The following RBFOX1 variants were observed in gnomAD, a reference collection of about 807,000 sequenced individuals.
RBFOX1 encodes RNA binding protein fox-1 homolog 1.
A neutral mutation model predicts 57.7 loss-of-function variants in RBFOX1; 8 were observed. The observed-to-expected ratio is 0.14, with a 90% CI of 0.08 to 0.25. The LOEUF (loss-of-function observed/expected upper bound fraction) is 0.25. RBFOX1 is among the 10% of genes least tolerant of loss of function. RBFOX1 has a pLI of 1.00. For missense variants in RBFOX1, 611 were observed against 548.5 expected (o/e 1.11, Z -1.14); for synonymous variants, 326 against 222.4 (o/e 1.47, Z -4.15).
At chr16:6,559,611 TATAC>T (rs928742477) in intron 2 of RBFOX1, among the ~76,000 whole-genome samples, 4 of 133,842 alleles carry the variant, frequency 3.0e-5, no homozygotes, top group East Asian at 4.6e-4. Context: ...TGTGTATATA[TATAC>T]ATACATACAT....
chr16:7,077,564 A>G (rs998363354), intron 4 of RBFOX1, among the ~76,000 whole-genome samples: 2 of 152,198 alleles, frequency 1.3e-5, no homozygotes, highest in African/African-American at 4.8e-5. Flanking sequence ...TATTAGTACA[A>G]TGATGAAATT....
chr16:6,427,942 A>G (rs1456312126), intron 2 of RBFOX1, among the ~76,000 whole-genome samples: 1 of 152,136 alleles, frequency 6.6e-6, no homozygotes, highest in East Asian at 1.9e-4. Context: ...AATTTATAGT[A>G]TTGCTGTGAG....
intron 4 of RBFOX1, among the ~76,000 whole-genome samples, chr16:7,271,246 A>G (rs1247289202): frequency 6.6e-6 from 1 of 151,690 alleles, no homozygotes; most frequent in Non-Finnish European, 1.5e-5. Context: ...CGTGTTTCCT[A>G]ATGTTTGATC....
chr16:5,954,795 C>A (rs1034976527), intron 4 of RBFOX1, among the ~76,000 whole-genome samples: 1 of 152,114 alleles, frequency 6.6e-6, no homozygotes, highest in African/African-American at 2.4e-5. Flanking sequence ...CCCCTTCCTG[C>A]AGCCTCTTTA....
At chr16:7,001,416 A>ATC (rs1257955841) in intron 3 of RBFOX1, among the ~76,000 whole-genome samples, 2 of 139,612 alleles carry the variant, frequency 1.4e-5, no homozygotes, top group African/African-American at 2.7e-5. Flanking sequence ...GTATATGTAT[A>ATC]TGTATATGTA....
chr16:6,561,650 CTTTCT>C (rs1007387560), intron 2 of RBFOX1, among the ~76,000 whole-genome samples: 7 of 152,220 alleles, frequency 4.6e-5, no homozygotes, highest in African/African-American at 1.7e-4. Flanking sequence ...TATTCTTTTC[CTTTCT>C]TTTATTTTAT....
At chr16:6,851,730 C>T (rs1313310880) in intron 3 of RBFOX1, among the ~76,000 whole-genome samples, 1 of 152,008 alleles carries the variant, frequency 6.6e-6, no homozygotes, top group African/African-American at 2.4e-5. Flanking sequence ...AAATTCAGAG[C>T]ATGATTTGAT....
chr16:7,227,416 T>C (rs1372838564), intron 4 of RBFOX1, among the ~76,000 whole-genome samples: 10 of 151,962 alleles, frequency 6.6e-5, no homozygotes, highest in Admixed American at 4.6e-4. Context: ...AATGCAGGAA[T>C]TTTGCATGCT....
intron 11 of RBFOX1, among the ~76,000 whole-genome samples, chr16:7,650,374 G>C (rs2064774646): frequency 6.6e-6 from 1 of 151,504 alleles, no homozygotes; most frequent in Non-Finnish European, 1.5e-5. Flanking sequence ...TTTAAGCCAG[G>C]AATTGATTTT....
At chr16:5,953,713 T>C (rs2059567130) in intron 4 of RBFOX1, among the ~76,000 whole-genome samples, 1 of 139,202 alleles carries the variant, frequency 7.2e-6, no homozygotes, top group African/African-American at 2.9e-5. Flanking sequence ...CTTATATATA[T>C]ATATATATAT....
chr16:6,497,901 G>C (rs967701103), intron 2 of RBFOX1, among the ~76,000 whole-genome samples: 1 of 151,980 alleles, frequency 6.6e-6, no homozygotes, highest in African/African-American at 2.4e-5. Context: ...AAAGCATTCA[G>C]AGGTTTTCAA....
chr16:6,824,990 T>G (rs1454515739), intron 3 of RBFOX1, among the ~76,000 whole-genome samples: 6 of 100,474 alleles, frequency 6.0e-5, no homozygotes, highest in Non-Finnish European at 1.0e-4. Context: ...TTGGTTTTTT[T>G]TTTTTTTTTT....
intron 1 of RBFOX1, among the ~76,000 whole-genome samples, chr16:5,277,237 A>G (rs938290817): frequency 6.6e-6 from 1 of 152,138 alleles, no homozygotes; most frequent in South Asian, 2.1e-4. Flanking sequence ...GTTCTCACTC[A>G]TAAGTGGGAG....
At chr16:7,433,737 A>G (rs1031398274) in intron 4 of RBFOX1, among the ~76,000 whole-genome samples, 3 of 152,098 alleles carry the variant, frequency 2.0e-5, no homozygotes, top group Admixed American at 6.5e-5. Context: ...CATCCACCCA[A>G]CCACCCATCC....
At chr16:5,596,062 A>G (rs2047170355) in intron 2 of RBFOX1, among the ~76,000 whole-genome samples, 1 of 152,146 alleles carries the variant, frequency 6.6e-6, no homozygotes, top group Admixed American at 6.5e-5. Context: ...TAAAGAGGAC[A>G]CCAGGCCTCT....
At chr16:6,400,103 A>C (rs1332302911) in intron 2 of RBFOX1, among the ~76,000 whole-genome samples, 2 of 152,214 alleles carry the variant, frequency 1.3e-5, no homozygotes, top group East Asian at 3.8e-4. Context: ...CTATCTACCA[A>C]CTTGACCTAT....
intron 1 of RBFOX1, among the ~76,000 whole-genome samples, chr16:5,444,838 G>T (rs944093147): frequency 6.6e-6 from 1 of 152,184 alleles, no homozygotes; most frequent in Non-Finnish European, 1.5e-5. Context: ...CATTCTTATA[G>T]GTCCAGGATA....
At chr16:7,686,522 T>G (rs2076099539) in intron 14 of RBFOX1, among the ~76,000 whole-genome samples, 1 of 152,028 alleles carries the variant, frequency 6.6e-6, no homozygotes, top group South Asian at 2.1e-4. Flanking sequence ...TTGCCTGCCC[T>G]CTTCTTTGGG....
At chr16:7,291,380 C>T (rs1270383741) in intron 4 of RBFOX1, among the ~76,000 whole-genome samples, 1 of 152,090 alleles carries the variant, frequency 6.6e-6, no homozygotes, top group Non-Finnish European at 1.5e-5. Context: ...TAGCTTTTTC[C>T]CCCTTTTCTA....
Sources: gnomAD v4.1 joint callset for allele counts (sites outside exome capture counted in the v4.1 genomes callset) on GRCh38, gnomAD v4.1.1 for gene constraint, MANE v1.5 for transcripts, NCBI Gene and HGNC (gene_info 2026-07-23, HGNC 2026-07-21) for gene names.